Variants in SGCD observed in about 807,000 individuals in gnomAD.
The protein encoded by SGCD is delta-sarcoglycan.
SGCD carries 18 observed loss-of-function variants against 36.6 expected under a neutral mutation model. The ratio of observed to expected loss-of-function variants is 0.49; its 90% CI spans 0.34 to 0.73. The LOEUF (loss-of-function observed/expected upper bound fraction) is 0.73. Among genes scored for constraint, SGCD ranks in the 30% least tolerant of loss-of-function variants. The probability of loss-of-function intolerance (pLI) is 0.01; values close to 1 mark genes in which losing one functional copy is unlikely to be tolerated. For synonymous variants in SGCD, 133 were observed against 130.6 expected (o/e 1.02, Z -0.12); for missense variants, 387 against 346.7 (o/e 1.12, Z -0.92).
At chr5:155,811,575 C>T in the SGCD span, among the ~76,000 whole-genome samples, 1 of 152,144 alleles carries the variant, frequency 6.6e-6, no homozygotes, top group South Asian at 2.1e-4. Context: ...AAATAAGCCA[C>T]CATACGTTTA....
At chr5:156,421,965 G>A (rs1337345068) in intron 3 of SGCD, among the ~76,000 whole-genome samples, 1 of 152,044 alleles carries the variant, frequency 6.6e-6, no homozygotes, top group African/African-American at 2.4e-5. Context: ...CAAGTCCATG[G>A]AGTGCTTTTG....
At chr5:156,139,327 C>G (rs1434185233) in intron 3 of SGCD, among the ~76,000 whole-genome samples, 2 of 150,430 alleles carry the variant, frequency 1.3e-5, no homozygotes, top group African/African-American at 2.5e-5. Context: ...GGGTAGCAGT[C>G]TATCTTGAAT....
At chr5:156,081,664 G>A (rs1015232889) in intron 1 of SGCD, among the ~76,000 whole-genome samples, 3 of 152,056 alleles carry the variant, frequency 2.0e-5, no homozygotes, top group African/African-American at 4.8e-5. Flanking sequence ...AAAGTGCCAG[G>A]ATTACAGACA....
intron 6 of SGCD, among the ~76,000 whole-genome samples, chr5:156,613,745 CA>C (rs1365738664): frequency 6.6e-6 from 1 of 152,232 alleles, no homozygotes; most frequent in African/African-American, 2.4e-5. Flanking sequence ...TGACCCAAGA[CA>C]ATGATAGCAA....
chr5:155,732,392 C>T, the SGCD span, among the ~76,000 whole-genome samples: 4 of 152,208 alleles, frequency 2.6e-5, no homozygotes, highest in Non-Finnish European at 5.9e-5. Context: ...TAATTATGTA[C>T]CGTGGTAGCT....
rs574163040 is a variant in SGCD, at chr5:156,435,918, G to A, written c.193-72683G>A. On this transcript the variant is annotated intron_variant, in intron 3 of 8. Coordinates refer to ENST00000337851, the MANE Select transcript of SGCD (RefSeq NM_000337.6). ...CCTTCTGTCCAAGATGCTGTTTGCC[G>A]TTATCTTGAGCTGGTAAAATTCTAT... Among the ~76,000 whole-genome samples the A allele has an allele frequency of 6.6e-5, 10 of 152,228 alleles. No individual in the cohort carries two copies. In the South Asian group the frequency reaches 1.2e-3, roughly 19 times the overall value.
intron 1 of SGCD, among the ~76,000 whole-genome samples, chr5:156,029,423 C>G (rs1759294630): frequency 6.6e-6 from 1 of 152,128 alleles, no homozygotes; most frequent in African/African-American, 2.4e-5. Context: ...TTCATTCATT[C>G]AAGATATACT....
intron 3 of SGCD, among the ~76,000 whole-genome samples, chr5:156,270,566 A>G (rs1241137331): frequency 6.6e-6 from 1 of 152,204 alleles, no homozygotes; most frequent in Non-Finnish European, 1.5e-5. Flanking sequence ...CAATCAAGTG[A>G]TATTACCATG....
intron 1 of SGCD, among the ~76,000 whole-genome samples, chr5:156,078,612 T>G (rs1760864334): frequency 6.8e-6 from 1 of 146,912 alleles, no homozygotes; most frequent in Admixed American, 6.9e-5. Context: ...TTTTTATATA[T>G]ACACACAGTA....
At chr5:156,577,931 G>A (rs1200802620) in intron 4 of SGCD, among the ~76,000 whole-genome samples, 1 of 152,082 alleles carries the variant, frequency 6.6e-6, no homozygotes, top group East Asian at 1.9e-4. Flanking sequence ...TGATTGCCCT[G>A]GCCAGAACTT....
the SGCD span, among the ~76,000 whole-genome samples, chr5:155,766,884 C>T: frequency 1.0e-3 from 154 of 152,242 alleles, 1 homozygote; most frequent in African/African-American, 3.4e-3. Context: ...ACTCCAGAGT[C>T]GATGCTCTTA....
At chr5:156,502,030 T>C (rs1392285220) in intron 3 of SGCD, among the ~76,000 whole-genome samples, 1 of 151,892 alleles carries the variant, frequency 6.6e-6, no homozygotes, top group Non-Finnish European at 1.5e-5. Context: ...CTAGGAATGA[T>C]ATTCTCTCTT....
rs114017937 is a variant in SGCD at position 156,702,728 on chromosome 5, A to C, written c.576-54853A>C. ...ATTTATATTTTTTGTTACCCTTCTT[A>C]CTATGAGTGGGAGACAATTCTCATG... is the stretch of plus-strand genomic sequence containing the variant. On this transcript the variant is annotated intron_variant, in intron 7 of 8. Transcript: ENST00000337851. Among the ~76,000 whole-genome samples, 183 of 152,302 alleles carry C rather than the reference A, an allele frequency of 1.2e-3. 1 individual carries two copies. Among genetic ancestry groups the C allele is most frequent in the African/African-American group, 4.2e-3 (173 of 41,570 alleles).
At chr5:156,269,500 A>ACC (rs1202945085) in intron 3 of SGCD, among the ~76,000 whole-genome samples, 1 of 85,482 alleles carries the variant, frequency 1.2e-5, no homozygotes, top group African/African-American at 5.6e-5. Flanking sequence ...AAAAAAAAAA[A>ACC]AAAAAAAAAA....
chr5:155,991,424 T>A (rs1758430226), intron 1 of SGCD, among the ~76,000 whole-genome samples: 1 of 152,042 alleles, frequency 6.6e-6, no homozygotes, highest in African/African-American at 2.4e-5. Context: ...TGACACTGAG[T>A]GTGAATTCAC....
intron 7 of SGCD, among the ~76,000 whole-genome samples, chr5:156,688,141 A>T (rs1753975776): frequency 6.6e-6 from 1 of 152,120 alleles, no homozygotes; most frequent in South Asian, 2.1e-4. Context: ...GGTTTGTTGT[A>T]CTGATTATTT....
chr5:156,521,713 G>T (rs533179817), intron 4 of SGCD, among the ~76,000 whole-genome samples: 4 of 152,296 alleles, frequency 2.6e-5, no homozygotes, highest in African/African-American at 9.6e-5. Context: ...TAGTGAGGCT[G>T]TGGGGAAATA....
intron 7 of SGCD, among the ~76,000 whole-genome samples, chr5:156,718,693 G>T (rs901512396): frequency 1.3e-5 from 2 of 151,606 alleles, no homozygotes; most frequent in African/African-American, 2.4e-5. Context: ...GATGAAATGG[G>T]CATGGTGGCT....
intron 3 of SGCD, among the ~76,000 whole-genome samples, chr5:156,412,766 T>C (rs1173265461): frequency 2.6e-5 from 4 of 151,060 alleles, no homozygotes; most frequent in African/African-American, 4.9e-5. Context: ...AGATGGCAGA[T>C]TGAATCAGGC....
Sources: gnomAD v4.1 joint callset for allele counts (sites outside exome capture counted in the v4.1 genomes callset) on GRCh38, gnomAD v4.1.1 for gene constraint, MANE v1.5 for transcripts, NCBI Gene and HGNC (gene_info 2026-07-23, HGNC 2026-07-21) for gene names.